Variants in CSMD3 observed in about 807,000 individuals in gnomAD.
CSMD3 encodes the protein CUB and Sushi multiple domains 3, also known as CUB and sushi domain-containing protein 3.
A neutral mutation model predicts 435.2 loss-of-function variants in CSMD3; 177 were observed. The observed-to-expected ratio is 0.41, with a 90% CI of 0.36 to 0.46. The LOEUF is 0.46. Among genes scored for constraint, CSMD3 ranks in the 20% least tolerant of loss-of-function variants. The pLI is 0.34. For synonymous variants in CSMD3, 1,656 were observed against 1,520.5 expected, an observed-to-expected ratio of 1.09 and a Z score of -2.07; for missense variants, 4,265 against 4,504.6, an observed-to-expected ratio of 0.95 and a Z score of 1.52.
chr8:112,926,934 T>G (rs1329906439), intron 9 of CSMD3, among the ~76,000 whole-genome samples: 1 of 152,118 alleles, frequency 6.6e-6, no homozygotes, highest in Non-Finnish European at 1.5e-5. Flanking sequence ...AAGTAGCAGA[T>G]GCATATTTTT....
chr8:113,436,152 A>G (rs1423920101), intron 1 of CSMD3, among the ~76,000 whole-genome samples: 3 of 152,174 alleles, frequency 2.0e-5, no homozygotes, highest in Admixed American at 1.3e-4. Flanking sequence ...CAATTTACAT[A>G]CATATGCATG....
chr8:112,697,801 A>G (rs1325852439), intron 13 of CSMD3, among the ~76,000 whole-genome samples: 1 of 152,128 alleles, frequency 6.6e-6, no homozygotes, highest in Non-Finnish European at 1.5e-5. Flanking sequence ...TGAAGGCACA[A>G]AGGAGGTATT....
chr8:112,861,723 G>A (rs567526006), intron 10 of CSMD3, among the ~76,000 whole-genome samples: 63 of 151,968 alleles, frequency 4.1e-4, no homozygotes, highest in African/African-American at 1.3e-3. Flanking sequence ...GGAATGTAGC[G>A]TGAAAGAGTC....
chr8:112,597,990 T>A (rs1206667961), intron 22 of CSMD3, among the ~76,000 whole-genome samples: 1 of 146,392 alleles, frequency 6.8e-6, no homozygotes, highest in African/African-American at 2.6e-5. Flanking sequence ...CCACTCCTAT[T>A]CAACATAGTG....
At chr8:112,933,129 T>G (rs1376241456) in intron 9 of CSMD3, among the ~76,000 whole-genome samples, 1 of 152,088 alleles carries the variant, frequency 6.6e-6, no homozygotes, top group Non-Finnish European at 1.5e-5. Flanking sequence ...CTGAGATTTT[T>G]TTTTCCAGCT....
intron 27 of CSMD3, among the ~76,000 whole-genome samples, chr8:112,525,492 G>A (rs1049600126): frequency 8.7e-5 from 13 of 149,812 alleles, no homozygotes; most frequent in South Asian, 8.3e-4. Context: ...GGACCGAGGC[G>A]GGCGGATCAC....
intron 35 of CSMD3, among the ~76,000 whole-genome samples, chr8:112,400,529 A>C (rs1167382413): frequency 2.6e-5 from 4 of 152,154 alleles, no homozygotes; most frequent in African/African-American, 9.7e-5. Context: ...GGAAATACAG[A>C]CTGCTGGATC....
chr8:112,717,229 A>G (rs2076753308), intron 13 of CSMD3, among the ~76,000 whole-genome samples: 2 of 152,104 alleles, frequency 1.3e-5, no homozygotes, highest in South Asian at 2.1e-4. Flanking sequence ...ATCAGAAAAA[A>G]AAAACAACCC....
chr8:113,011,800 A>T (rs1018511523), intron 6 of CSMD3, among the ~76,000 whole-genome samples: 1 of 151,786 alleles, frequency 6.6e-6, no homozygotes, highest in African/African-American at 2.4e-5. Flanking sequence ...GAAAATTTTT[A>T]ATAATTGCTT....
At chr8:112,797,729 T>TAA (rs1222300455) in intron 13 of CSMD3, among the ~76,000 whole-genome samples, 11 of 151,964 alleles carry the variant, frequency 7.2e-5, no homozygotes, top group African/African-American at 2.6e-4. Context: ...GTGAACTTGC[T>TAA]AAAACTATGT....
chr8:113,187,148 T>TTTCTTC (rs547503245), intron 3 of CSMD3, among the ~76,000 whole-genome samples: 3 of 151,456 alleles, frequency 2.0e-5, no homozygotes, highest in African/African-American at 7.3e-5. Flanking sequence ...AGTTTTTTTT[T>TTTCTTC]TTCTTCTTCT....
At chr8:113,310,645 C>T (rs1281392803) in intron 2 of CSMD3, 1 of 151,598 alleles carries the variant, frequency 6.6e-6, no homozygotes, top group African/African-American at 2.4e-5. Flanking sequence ...AGATGTAAGT[C>T]TGGGAAGACT....
At chr8:113,094,042 G>A (rs1482692453) in intron 5 of CSMD3, among the ~76,000 whole-genome samples, 1 of 151,994 alleles carries the variant, frequency 6.6e-6, no homozygotes, top group African/African-American at 2.4e-5. Context: ...TTTTGGAATA[G>A]TGCTTATCTG....
chr8:113,068,136 T>G (rs1488027590), intron 5 of CSMD3, among the ~76,000 whole-genome samples: 3 of 152,182 alleles, frequency 2.0e-5, no homozygotes, highest in African/African-American at 7.2e-5. Flanking sequence ...TACCAACTTT[T>G]GAGTGAAGTT....
intron 22 of CSMD3, among the ~76,000 whole-genome samples, chr8:112,608,915 T>C (rs997293731): frequency 6.6e-6 from 1 of 151,858 alleles, no homozygotes; most frequent in Non-Finnish European, 1.5e-5. Flanking sequence ...CAGAAAAAAG[T>C]GCTCTATAAT....
At chr8:112,337,853 G>C (rs1328247470) in intron 42 of CSMD3, 122 bp from the exon 43 acceptor site, 3 of 651,166 alleles carry the variant, frequency 4.6e-6, no homozygotes, top group African/African-American at 1.8e-5. Flanking sequence ...ATTATAAATA[G>C]CAATTCAGGT....
chr8:113,117,728 T>A (rs967718703), intron 4 of CSMD3, among the ~76,000 whole-genome samples: 5 of 152,228 alleles, frequency 3.3e-5, no homozygotes, highest in African/African-American at 9.6e-5. Flanking sequence ...CCCAAGGCCA[T>A]GGGAGCCCAC....
At chr8:112,269,260 T>C (rs976701942) in intron 59 of CSMD3, among the ~76,000 whole-genome samples, 1 of 152,186 alleles carries the variant, frequency 6.6e-6, no homozygotes, top group African/African-American at 2.4e-5. Context: ...AAAACATCTT[T>C]GAGAATTTTC....
chr8:112,721,025 CAGT>C (rs2076846016), intron 13 of CSMD3, among the ~76,000 whole-genome samples: 1 of 152,094 alleles, frequency 6.6e-6, no homozygotes, highest in African/African-American at 2.4e-5. Flanking sequence ...AGTGCTTTAA[CAGT>C]AGAACAGGGT....
Sources: gnomAD v4.1 joint callset for allele counts (sites outside exome capture counted in the v4.1 genomes callset) on GRCh38, gnomAD v4.1.1 for gene constraint, MANE v1.5 for transcripts, NCBI Gene and HGNC (gene_info 2026-07-23, HGNC 2026-07-21) for gene names.